Variants in DPPA5 observed in about 807,000 individuals in gnomAD.
The protein encoded by DPPA5 is developmental pluripotency-associated 5 protein.
A neutral mutation model predicts 11.3 loss-of-function variants in DPPA5; 11 were observed. That is an observed-to-expected ratio of 0.97 (90% CI 0.61 to 1.61). The LOEUF (loss-of-function observed/expected upper bound fraction) is 1.61. DPPA5 is among the 40% of genes most tolerant of loss of function. DPPA5 has a pLI of 0.00. For missense variants in DPPA5, 132 were observed against 151.8 expected, an observed-to-expected ratio of 0.87 and a Z score of 0.68; for synonymous variants, 53 against 59.2, an observed-to-expected ratio of 0.90 and a Z score of 0.48.
At chr6:73,353,682 G>A (rs1273908448) in intron 2 of DPPA5, among the ~76,000 whole-genome samples, 171 bp downstream of exon 2, 1 of 152,190 alleles carries the variant, frequency 6.6e-6, no homozygotes, top group Non-Finnish European at 1.5e-5. Context: ...GCATTCTGGG[G>A]CCCCCATTCC....
intron 2 of DPPA5, 142 bp downstream of exon 2, chr6:73,353,711 G>T (rs1768724924): frequency 2.6e-6 from 3 of 1,172,170 alleles, no homozygotes; most frequent in Non-Finnish European, 3.5e-6. Context: ...TCTTGGGAAG[G>T]CCCAGATGCC....
intron 1 of DPPA5, 38 bp from the exon 2 acceptor site, chr6:73,354,070 A>C (rs753966254): frequency 1.9e-6 from 3 of 1,613,592 alleles, no homozygotes; most frequent in Non-Finnish European, 2.5e-6. Flanking sequence ...GGGCCGGCTG[A>C]GACTCCCGAG....
chr6:73,353,214 C>T lies in DPPA5; in HGVS notation c.*106G>A. ...AAGGGAACAAATGGTTTTCCCTTAA[C>T]TCTTTAGGCTGGAGCAGATTTTAAA... On this transcript the variant is annotated 3_prime_UTR_variant, in exon 3 of 3. Transcript: ENST00000370370. 1 of 1,406,390 alleles carries T rather than the reference C, an allele frequency of 7.1e-7. No homozygotes were observed. The allele number at this position is 1,406,390 out of a possible 1,614,324, so 87.1% of individuals were successfully genotyped here.
At chr6:73,353,746 G>A in intron 2 of DPPA5, 107 bp downstream of exon 2, 1 of 1,409,384 alleles carries the variant, frequency 7.1e-7, no homozygotes, top group Non-Finnish European at 9.4e-7. Flanking sequence ...TGACGCCCAA[G>A]GTGCTGGCAG....
At chr6:73,353,416 GA>G in intron 2 of DPPA5, 38 bp from the exon 3 acceptor site, 1 of 1,613,136 alleles carries the variant, frequency 6.2e-7, no homozygotes, top group Non-Finnish European at 8.5e-7. Context: ...GAGTCTGGGG[GA>G]AAATAGTAAG....
At chr6:73,353,496 GAGAGTCAGGCCCAGA>G (rs1768721001) in intron 2 of DPPA5, 118 bp from the exon 3 acceptor site, 2 of 1,224,710 alleles carry the variant, frequency 1.6e-6, no homozygotes, top group African/African-American at 1.5e-5. Context: ...TTCTGGGCCT[GAGAGTCAGGCCCAGA>G]ACCTTGGAAC....
chr6:73,353,864 C>A lies in DPPA5; in HGVS notation c.281G>T (p.Arg94Leu), dbSNP rs758222466. The A allele has an allele frequency of 6.2e-7, 1 of 1,613,446 alleles. No homozygotes were observed. Among genetic ancestry groups the A allele is most frequent in the East Asian group, 2.2e-5 (1 of 44,870 alleles). ...TCTGGGCCTCTCACCTCGCTCCTGGCGCTGGCGGTGCCACTCAGCCATGGA... is the reference window on the plus strand; with the variant it reads ...TCTGGGCCTCTCACCTCGCTCCTGGAGCTGGCGGTGCCACTCAGCCATGGA... ...LQSMAEWHRQ[R>L]QERGMLKLAE... The change falls in exon 2 of 3, where the codon CGC becomes CTC. Residue 94 changes from arginine to leucine, a missense_variant. Physicochemically the swap from Arg to Leu is moderately radical, Grantham distance 102 (BLOSUM62 -2). Coordinates refer to ENST00000370370, the MANE Select transcript of DPPA5 (RefSeq NM_001025290.3).
At chr6:73,353,415 G>A (rs1363880635) in intron 2 of DPPA5, 37 bp from the exon 3 acceptor site, 1 of 1,613,670 alleles carries the variant, frequency 6.2e-7, no homozygotes. Flanking sequence ...TGAGTCTGGG[G>A]GAAAATAGTA....
At position 73,353,351 on chromosome 6, in the gene DPPA5, T is replaced by C; in HGVS notation, c.320A>G (p.Asn107Ser). The C allele has an allele frequency of 2.5e-6, 4 of 1,614,122 alleles. No individual in the cohort carries two copies. In the African/African-American group the frequency reaches 5.3e-5, roughly 22 times the overall value. The stretch of plus-strand genomic sequence containing the variant: ...CATCCAAGGGCCTAGTTCGAGGGCA[T>C]TCATGGCTTCGGCAAGTTTGAGCAT... ...RGMLKLAEAM[N>S]ALELGPWMK The change falls in exon 3 of 3, where the codon AAT becomes AGT. Residue 107 changes from asparagine to serine, a missense_variant. Coordinates refer to ENST00000370370, the MANE Select transcript of DPPA5 (RefSeq NM_001025290.3).
intron 2 of DPPA5, 106 bp from the exon 3 acceptor site, chr6:73,353,484 C>T (rs780331590): frequency 2.2e-6 from 3 of 1,348,826 alleles, no homozygotes; most frequent in South Asian, 1.2e-5. Flanking sequence ...CTGATCCAGG[C>T]GTTCTGGGCC....
chr6:73,354,080 G>GC, intron 1 of DPPA5, 34 bp downstream of exon 1: 1 of 1,613,884 alleles, frequency 6.2e-7, no homozygotes, highest in Non-Finnish European at 8.5e-7. Context: ...AGACTCCCGA[G>GC]CCGGGGCAGC....
chr6:73,353,400 C>T (rs371684858), intron 2 of DPPA5, 22 bp from the exon 3 acceptor site: 1 of 1,613,992 alleles, frequency 6.2e-7, no homozygotes, highest in Non-Finnish European at 8.5e-7. Context: ...ATAGCAACAG[C>T]GGCGTGAGTC....
At chr6:73,353,761 CAA>C (rs1768725965) in intron 2 of DPPA5, 90 bp downstream of exon 2, 4 of 1,470,172 alleles carry the variant, frequency 2.7e-6, no homozygotes, top group African/African-American at 2.8e-5. Context: ...TGGCAGCGAG[CAA>C]GAGAGGAGAA....
At position 73,353,160 on chromosome 6, in the gene DPPA5, CAG is replaced by C; in HGVS notation, c.*158_*159del. The C allele has an allele frequency of 1.4e-6, 1 of 719,940 alleles. No homozygotes were observed. Among genetic ancestry groups the C allele is most frequent in the Non-Finnish European group, 2.3e-6 (1 of 433,202 alleles). 44.6% of individuals were successfully genotyped at this position (719,940 alleles called of 1,614,324 possible). On this transcript the variant is annotated 3_prime_UTR_variant, in exon 3 of 3. Transcript: ENST00000370370. Reference sequence around the variant, plus strand: ...TCAAAGAAATATTCACAACAAGACTCAGAGCCAAGGGTTTTCCCTTAACTCTT... The same window carrying C: ...TCAAAGAAATATTCACAACAAGACTCAGCCAAGGGTTTTCCCTTAACTCTT...
At chr6:73,353,500 G>C (rs920231581) in intron 2 of DPPA5, 122 bp from the exon 3 acceptor site, 17 of 1,139,256 alleles carry the variant, frequency 1.5e-5, no homozygotes, top group African/African-American at 4.7e-5. Flanking sequence ...GGGCCTGAGA[G>C]TCAGGCCCAG....
At position 73,353,303 on chromosome 6, in the gene DPPA5, A is replaced by T; in HGVS notation, c.*17T>A. 2 of 1,614,002 alleles carry T rather than the reference A, an allele frequency of 1.2e-6. No individual in the cohort carries two copies. Among genetic ancestry groups the T allele is most frequent in the South Asian group, 1.1e-5 (1 of 91,076 alleles). On this transcript the variant is annotated 3_prime_UTR_variant, in exon 3 of 3. Coordinates refer to ENST00000370370, the MANE Select transcript of DPPA5 (RefSeq NM_001025290.3). ...AATCTCTGCAACCCGGCTTCATTGCATTGGCTGGAAACTGGTTCACTTCAT... is the reference window on the plus strand; with the variant it reads ...AATCTCTGCAACCCGGCTTCATTGCTTTGGCTGGAAACTGGTTCACTTCAT...
chr6:73,354,011 G>C lies in DPPA5; in HGVS notation c.134C>G (p.Pro45Arg). Residue 45 changes from proline to arginine, a missense_variant, in exon 2 of 3, where the codon CCT becomes CGT. Physicochemically the swap from Pro to Arg is moderately radical, Grantham distance 103. Coordinates refer to ENST00000370370, the MANE Select transcript of DPPA5 (RefSeq NM_001025290.3). ...GGCCTTGCTCACCTGCTCGATGTAA[G>C]GGATTCGAGATCCGTCCGGGCCTGT... The part of the protein sequence containing the change: ...AIFGPDGSRI[P>R]YIEQVSKAML... 1.2e-6 allele frequency: 2 copies of C among 1,614,120 alleles called. No homozygotes were observed. Among genetic ancestry groups the C allele is most frequent in the Non-Finnish European group, 1.7e-6 (2 of 1,179,978 alleles).
At chr6:73,353,830 T>C in intron 2 of DPPA5, 23 bp downstream of exon 2, 1 of 1,611,574 alleles carries the variant, frequency 6.2e-7, no homozygotes, top group Non-Finnish European at 8.5e-7. Context: ...GTGTTCCGCG[T>C]ACCCAGTCTC....
At chr6:73,353,457 G>T in intron 2 of DPPA5, 79 bp from the exon 3 acceptor site, 1 of 1,580,412 alleles carries the variant, frequency 6.3e-7, no homozygotes. Flanking sequence ...CTCTTTCAGG[G>T]TTCGTTTCTG....
Sources: gnomAD v4.1 joint callset for allele counts (sites outside exome capture counted in the v4.1 genomes callset) on GRCh38, gnomAD v4.1.1 for gene constraint, MANE v1.5 for transcripts, NCBI Gene and HGNC (gene_info 2026-07-23, HGNC 2026-07-21) for gene names.